The following TTLL5 variants were observed in gnomAD, a reference collection of about 807,000 sequenced individuals.
The protein encoded by TTLL5 is tubulin polyglutamylase TTLL5.
A neutral mutation model predicts 168.4 loss-of-function variants in TTLL5; 132 were observed. That is an observed-to-expected ratio of 0.78 (90% CI 0.68 to 0.91). The LOEUF (loss-of-function observed/expected upper bound fraction) is 0.91. Ranked by LOEUF, TTLL5 falls within the 40% of genes least tolerant of loss-of-function variation. The pLI is 0.00. For missense variants in TTLL5, 1,545 were observed against 1,581.5 expected, an observed-to-expected ratio of 0.98 and a Z score of 0.39; for synonymous variants, 546 against 558.6, an observed-to-expected ratio of 0.98 and a Z score of 0.32.
chr14:75,712,144 G>A (rs1183372705), intron 9 of TTLL5: 5 of 152,094 alleles, frequency 3.3e-5, no homozygotes, highest in South Asian at 2.1e-4. Context: ...GCAGTCTCCC[G>A]GCTGCAGCTG....
chr14:75,895,440 G>A (rs140424020), intron 30 of TTLL5, among the ~76,000 whole-genome samples: 7 of 151,886 alleles, frequency 4.6e-5, no homozygotes, highest in Non-Finnish European at 7.4e-5. Context: ...TGAAGGCTCC[G>A]TGCACTTCAA....
At chr14:75,762,999 C>T (rs531022396) in intron 18 of TTLL5, among the ~76,000 whole-genome samples, 1 of 152,162 alleles carries the variant, frequency 6.6e-6, no homozygotes, top group Admixed American at 6.5e-5. Context: ...TGTCTCCAAT[C>T]ACATTAAGTT....
chr14:75,746,294 T>A (rs1889605789), intron 17 of TTLL5, among the ~76,000 whole-genome samples: 2 of 152,230 alleles, frequency 1.3e-5, no homozygotes, highest in South Asian at 4.1e-4. Context: ...TACCAGAATT[T>A]GTTGAATATA....
At chr14:75,832,573 T>C (rs1895632174) in intron 28 of TTLL5, among the ~76,000 whole-genome samples, 1 of 152,260 alleles carries the variant, frequency 6.6e-6, no homozygotes, top group African/African-American at 2.4e-5. Context: ...TGGAAAGTGA[T>C]GCCTGGATTG....
At chr14:75,862,043 A>G (rs2030052224) in intron 28 of TTLL5, among the ~76,000 whole-genome samples, 1 of 152,166 alleles carries the variant, frequency 6.6e-6, no homozygotes, top group South Asian at 2.1e-4. Flanking sequence ...GATAATCACC[A>G]TTCTACTTTC....
At chr14:75,826,424 G>GT (rs1403568245) in intron 28 of TTLL5, among the ~76,000 whole-genome samples, 1 of 151,020 alleles carries the variant, frequency 6.6e-6, no homozygotes, top group Non-Finnish European at 1.5e-5. Context: ...TTTAAATTAT[G>GT]TGTGTGTTTT....
At chr14:75,926,631 G>A (rs2034080678) in intron 31 of TTLL5, among the ~76,000 whole-genome samples, 1 of 152,118 alleles carries the variant, frequency 6.6e-6, no homozygotes, top group Non-Finnish European at 1.5e-5. Flanking sequence ...CACACCACTA[G>A]GATGACTGTA....
In TTLL5 at chr14:75,947,557, A is replaced by G. The variant is rs529151142; in HGVS notation, c.3824-6867A>G. Among the ~76,000 whole-genome samples, 103 of 152,350 alleles carry G rather than the reference A, an allele frequency of 6.8e-4. 1 individual carries two copies. Among genetic ancestry groups the G allele is most frequent in the African/African-American group, 2.4e-3 (100 of 41,574 alleles). On this transcript the variant is annotated intron_variant, in intron 31 of 31. Transcript: ENST00000298832. ...AAAAATTAACAGAACCATAAGAAAA[A>G]TAGATAAATCTAGCTTTATATTGGA...
At chr14:75,929,296 C>T (rs1394647408) in intron 31 of TTLL5, among the ~76,000 whole-genome samples, 1 of 152,128 alleles carries the variant, frequency 6.6e-6, no homozygotes, top group Non-Finnish European at 1.5e-5. Flanking sequence ...TCTTTGGTCT[C>T]AGGGTCCTCA....
At chr14:75,867,000 CT>C (rs934590092) in intron 29 of TTLL5, among the ~76,000 whole-genome samples, 1 of 152,182 alleles carries the variant, frequency 6.6e-6, no homozygotes, top group Non-Finnish European at 1.5e-5. Flanking sequence ...CTTTTACACA[CT>C]GATGGTAAAA....
intron 30 of TTLL5, among the ~76,000 whole-genome samples, chr14:75,890,732 T>G (rs189327823): frequency 3.5e-4 from 54 of 152,286 alleles, no homozygotes; most frequent in Middle Eastern, 6.8e-3. Context: ...TTGTTTTTGT[T>G]TTTTTGAGAT....
rs1296152486 is a variant in TTLL5 at position 75,764,892 on chromosome 14, T to C, written c.1708+120T>C. 4.6e-5 allele frequency: 53 copies of C among 1,150,554 alleles called. No individual in the cohort carries two copies. The Admixed American group carries it at 1.3e-3, about 29-fold the overall frequency. 71.3% of individuals were successfully genotyped at this position (1,150,554 alleles called of 1,614,324 possible). A position where few individuals can be genotyped will look rare whatever the true frequency, so the allele number is the denominator to read the frequency against. On this transcript the variant is annotated intron_variant, in intron 19 of 31. Transcript: ENST00000298832. ...TTCCTGATCACATACACCTTTTTTA[T>C]ATAGTTTTTTCTCTGAAACTTAATT...
intron 31 of TTLL5, among the ~76,000 whole-genome samples, chr14:75,925,241 C>T (rs915977919): frequency 6.6e-6 from 1 of 151,250 alleles, no homozygotes; most frequent in African/African-American, 2.4e-5. Flanking sequence ...GGGCTGACCC[C>T]CACCTCCCTC....
chr14:75,927,532 C>G (rs2034116286), intron 31 of TTLL5, among the ~76,000 whole-genome samples: 1 of 152,182 alleles, frequency 6.6e-6, no homozygotes, highest in African/African-American at 2.4e-5. Flanking sequence ...GTCTTCACAT[C>G]TTAGATGGAC....
At chr14:75,718,648 A>G (rs952261921) in intron 10 of TTLL5, among the ~76,000 whole-genome samples, 2 of 152,236 alleles carry the variant, frequency 1.3e-5, no homozygotes, top group African/African-American at 2.4e-5. Context: ...TTTCTAAAAT[A>G]AATACTTGTA....
chr14:75,769,257 G>A (rs906191895), intron 20 of TTLL5, among the ~76,000 whole-genome samples: 2 of 152,164 alleles, frequency 1.3e-5, no homozygotes, highest in African/African-American at 4.8e-5. Flanking sequence ...TCATTGTTCG[G>A]TGAAGTGTCT....
At chr14:75,927,777 G>A (rs1202117141) in intron 31 of TTLL5, among the ~76,000 whole-genome samples, 2 of 152,180 alleles carry the variant, frequency 1.3e-5, no homozygotes, top group Non-Finnish European at 1.5e-5. Context: ...AGGCTCCCGA[G>A]TATTTCTGTT....
intron 5 of TTLL5, chr14:75,689,359 T>G (rs1885287434): frequency 6.6e-6 from 1 of 152,222 alleles, no homozygotes; most frequent in African/African-American, 2.4e-5. Context: ...CCCCAGAAAC[T>G]ATGAGGTCAT....
chr14:75,737,809 A>T (rs1889002751), intron 15 of TTLL5, among the ~76,000 whole-genome samples: 1 of 152,144 alleles, frequency 6.6e-6, no homozygotes, highest in South Asian at 2.1e-4. Context: ...GAACTTAGGG[A>T]TCCTCTTTTC....
Sources: gnomAD v4.1 joint callset for allele counts (sites outside exome capture counted in the v4.1 genomes callset) on GRCh38, gnomAD v4.1.1 for gene constraint, MANE v1.5 for transcripts, NCBI Gene and HGNC (gene_info 2026-07-23, HGNC 2026-07-21) for gene names.